The following TENT4B variants were observed in gnomAD, a reference collection of about 807,000 sequenced individuals.
The protein encoded by TENT4B is PAP associated domain containing 5.
A neutral mutation model predicts 75.0 loss-of-function variants in TENT4B; 10 were observed. The ratio of observed to expected loss-of-function variants is 0.13; its 90% confidence interval spans 0.08 to 0.23. TENT4B has a LOEUF of 0.23. Ranked by LOEUF, TENT4B falls within the 10% of genes least tolerant of loss-of-function variation. TENT4B has a pLI of 1.00. For missense variants in TENT4B, 579 were observed against 893.8 expected (o/e 0.65, Z 4.49); for synonymous variants, 350 against 357.7 (o/e 0.98, Z 0.24).
Position 50,230,626 on chromosome 16 carries a change from A to G in TENT4B, c.*1298A>G. ...AAGACCAAATACTTCTTGTCATCCC[A>G]TTCTTTATCCTCTTCTTTCATGGAA... On this transcript the variant is annotated 3_prime_UTR_variant, in exon 12 of 12. Coordinates refer to ENST00000561678, the MANE Select transcript of TENT4B (RefSeq NM_001365324.3). 1 of 984,422 alleles carries G rather than the reference A, an allele frequency of 1.0e-6. No individual in the cohort carries two copies. The highest frequency in any genetic ancestry group is 1.2e-6 in the Non-Finnish European group (1 of 828,742). The allele number at this position is 984,422 out of a possible 1,614,324, so 61.0% of individuals were successfully genotyped here. A position where few individuals can be genotyped will look rare whatever the true frequency, so the allele number is the denominator to read the frequency against.
chr16:50,217,447 T>TA (rs2031617444), intron 4 of TENT4B, 109 bp from the exon 5 acceptor site: 3 of 604,046 alleles, frequency 5.0e-6, no homozygotes, highest in Non-Finnish European at 8.6e-6. Flanking sequence ...TCAGTGTTCT[T>TA]ATGCTCTCAT....
intron 1 of TENT4B, among the ~76,000 whole-genome samples, chr16:50,194,733 G>T (rs888572695): frequency 1.4e-5 from 2 of 138,774 alleles, no homozygotes; most frequent in East Asian, 2.2e-4. Context: ...GCTAGCCACC[G>T]TGCTTGGCTA....
At position 50,222,349 on chromosome 16, in the gene TENT4B, T is replaced by A. The variant is rs1389549211; in HGVS notation, c.1082T>A (p.Phe361Tyr). 1 of 1,609,986 alleles carries A rather than the reference T, an allele frequency of 6.2e-7. No individual in the cohort carries two copies. Among genetic ancestry groups the A allele is most frequent in the Non-Finnish European group, 8.5e-7 (1 of 1,177,704 alleles). ...LPYLVLVLKQ[F>Y]LLQRDLNEVF... is the part of the protein sequence containing the mutation. ...TACTTGGTTTTAGTATTGAAACAAT[T>A]CCTATTGCAGAGGGACCTTAATGAA... The change falls in exon 6 of 12, where the codon TTC (phenylalanine) becomes TAC (tyrosine). Residue 361 changes from phenylalanine (F) to tyrosine (Y), a missense_variant. Physicochemically the swap from Phe to Tyr is conservative, Grantham distance 22. Transcript: ENST00000561678.
chr16:50,160,956 G>T (rs1292955739), intron 1 of TENT4B, among the ~76,000 whole-genome samples: 1 of 152,176 alleles, frequency 6.6e-6, no homozygotes, highest in Non-Finnish European at 1.5e-5. Flanking sequence ...GTAGGCCAAA[G>T]ATAATGCTTT....
chr16:50,181,290 C>T (rs987142781), intron 1 of TENT4B, among the ~76,000 whole-genome samples: 3 of 151,196 alleles, frequency 2.0e-5, no homozygotes, highest in Non-Finnish European at 4.4e-5. Context: ...TGCCCTTTAT[C>T]AGTCTGATTC....
At chr16:50,156,417 T>C (rs537691139) in intron 1 of TENT4B, among the ~76,000 whole-genome samples, 41 of 151,506 alleles carry the variant, frequency 2.7e-4, no homozygotes, top group Non-Finnish European at 5.6e-4. Flanking sequence ...CGATCTCAGC[T>C]CACCGCAACC....
At chr16:50,194,478 G>T (rs1372208274) in intron 1 of TENT4B, among the ~76,000 whole-genome samples, 1 of 151,738 alleles carries the variant, frequency 6.6e-6, no homozygotes, top group African/African-American at 2.4e-5. Context: ...GCCTCCCAAA[G>T]CGCTGTGATT....
chr16:50,180,314 A>T (rs1310808026), intron 1 of TENT4B, among the ~76,000 whole-genome samples: 1 of 152,150 alleles, frequency 6.6e-6, no homozygotes, highest in East Asian at 1.9e-4. Context: ...ATGGTTGGTC[A>T]GGTTGGTCTC....
At chr16:50,153,074 C>A (rs1328306818), upstream of TENT4B, 6 of 1,404,670 alleles carry the variant, frequency 4.3e-6, no homozygotes, top group Admixed American at 2.7e-5. Context: ...TACGGTTGGG[C>A]CAGGCGGTTG....
intron 11 of TENT4B, among the ~76,000 whole-genome samples, chr16:50,228,950 C>T (rs1267357706): frequency 6.6e-6 from 1 of 152,094 alleles, no homozygotes; most frequent in Non-Finnish European, 1.5e-5. Flanking sequence ...TCATTATTTC[C>T]ATTAAAATAA....
Position 50,229,437 on chromosome 16 carries a change from A to T in TENT4B, c.*109A>T. 1.5e-6 allele frequency: 2 copies of T among 1,356,578 alleles called. No individual in the cohort carries two copies. The highest frequency in any genetic ancestry group is 3.4e-5 in the Admixed American group (1 of 29,850). 84.0% of individuals were successfully genotyped at this position (1,356,578 alleles called of 1,614,324 possible). A position where few individuals can be genotyped will look rare whatever the true frequency, so the allele number is the denominator to read the frequency against. ...GGAGCCTCACACTGTTCAGACGTTGACTTAGCAACTGCGTTTTTTCCCAGC... is the reference window on the plus strand; with the variant it reads ...GGAGCCTCACACTGTTCAGACGTTGTCTTAGCAACTGCGTTTTTTCCCAGC... On this transcript the variant is annotated 3_prime_UTR_variant, in exon 12 of 12. Coordinates refer to ENST00000561678, the MANE Select transcript of TENT4B (RefSeq NM_001365324.3).
intron 1 of TENT4B, among the ~76,000 whole-genome samples, chr16:50,168,650 A>C (rs145571767): frequency 3.9e-3 from 574 of 146,736 alleles, no homozygotes; most frequent in Non-Finnish European, 5.7e-3. Context: ...CATATCACAT[A>C]ATTTCTTTTT....
chr16:50,199,096 G>A (rs1384489780), intron 1 of TENT4B, among the ~76,000 whole-genome samples: 3 of 152,224 alleles, frequency 2.0e-5, no homozygotes, highest in Non-Finnish European at 4.4e-5. Context: ...GAGGAAAGGA[G>A]GTGTGGTTTT....
intron 1 of TENT4B, among the ~76,000 whole-genome samples, chr16:50,179,454 G>A (rs892284179): frequency 6.6e-6 from 1 of 152,082 alleles, no homozygotes; most frequent in Non-Finnish European, 1.5e-5. Context: ...TAATTGACTT[G>A]ATAGAACACA....
chr16:50,209,482 C>G (rs2031164868), intron 1 of TENT4B, among the ~76,000 whole-genome samples: 3 of 152,200 alleles, frequency 2.0e-5, no homozygotes. Flanking sequence ...TCCTGAGGTA[C>G]CCAGAGGCAT....
intron 5 of TENT4B, among the ~76,000 whole-genome samples, chr16:50,221,816 T>A (rs929321525): frequency 6.6e-6 from 1 of 151,424 alleles, no homozygotes; most frequent in East Asian, 1.9e-4. Flanking sequence ...CAGGCTGGGG[T>A]GCAATGGCAC....
chr16:50,206,651 G>T (rs890875073), intron 1 of TENT4B, among the ~76,000 whole-genome samples: 1 of 152,044 alleles, frequency 6.6e-6, no homozygotes, highest in Non-Finnish European at 1.5e-5. Flanking sequence ...CAGAGGGGCT[G>T]GCCGTGGGTC....
At chr16:50,205,738 C>T (rs1363711266) in intron 1 of TENT4B, among the ~76,000 whole-genome samples, 1 of 151,420 alleles carries the variant, frequency 6.6e-6, no homozygotes, top group Non-Finnish European at 1.5e-5. Flanking sequence ...TTACAGGCGC[C>T]TGCCACCACA....
At chr16:50,182,483 A>G (rs989895660) in intron 1 of TENT4B, among the ~76,000 whole-genome samples, 1 of 152,174 alleles carries the variant, frequency 6.6e-6, no homozygotes, top group African/African-American at 2.4e-5. Flanking sequence ...AGCTGATAGT[A>G]TTGTGTCATT....
Sources: gnomAD v4.1 joint callset for allele counts (sites outside exome capture counted in the v4.1 genomes callset) on GRCh38, gnomAD v4.1.1 for gene constraint, MANE v1.5 for transcripts, NCBI Gene and HGNC (gene_info 2026-07-23, HGNC 2026-07-21) for gene names.